The following ARHGAP24 variants were observed in gnomAD, a reference collection of about 807,000 sequenced individuals.
ARHGAP24 encodes Rho GTPase activating protein 24.
A neutral mutation model predicts 76.4 loss-of-function variants in ARHGAP24; 50 were observed. The ratio of observed to expected loss-of-function variants is 0.65; its 90% CI spans 0.52 to 0.83. ARHGAP24 has a LOEUF of 0.83. Among genes scored for constraint, ARHGAP24 ranks in the 40% least tolerant of loss-of-function variants. The pLI, the probability that ARHGAP24 is intolerant of heterozygous loss-of-function variation, is 0.00. For missense variants in ARHGAP24, 930 were observed against 914.2 expected, an observed-to-expected ratio of 1.02 and a Z score of -0.22; for synonymous variants, 345 against 323.3, an observed-to-expected ratio of 1.07 and a Z score of -0.72.
chr4:85,631,725 T>C (rs1223105982), intron 2 of ARHGAP24, among the ~76,000 whole-genome samples: 1 of 152,064 alleles, frequency 6.6e-6, no homozygotes, highest in Non-Finnish European at 1.5e-5. Flanking sequence ...GTTTTGCTTG[T>C]TCAAACAAAT....
rs181008942 is a variant in ARHGAP24 at position 85,596,934 on chromosome 4, T to A, written c.180+26213T>A. On this transcript the variant is annotated intron_variant, in intron 2 of 9. Coordinates refer to ENST00000395184, the MANE Select transcript of ARHGAP24 (RefSeq NM_001025616.3). ...AATATTTTAAGTCCAAATATATTTTTAAAAAAAATTACTTTAAAAACATAT... is the reference window on the plus strand; with the variant it reads ...AATATTTTAAGTCCAAATATATTTTAAAAAAAAATTACTTTAAAAACATAT... Among the ~76,000 whole-genome samples the A allele has an allele frequency of 4.2e-3, 643 of 152,148 alleles. 3 individuals are homozygous for A. Among genetic ancestry groups the A allele is most frequent in the Non-Finnish European group, 6.3e-3 (429 of 67,966 alleles).
chr4:85,884,158 A>G (rs1733423083), intron 3 of ARHGAP24, among the ~76,000 whole-genome samples: 1 of 152,156 alleles, frequency 6.6e-6, no homozygotes, highest in Non-Finnish European at 1.5e-5. Context: ...TGCTCCAATC[A>G]TTAGTTAGTG....
chr4:85,720,194 C>G (rs1033908793), intron 2 of ARHGAP24, among the ~76,000 whole-genome samples: 1 of 152,048 alleles, frequency 6.6e-6, no homozygotes, highest in Non-Finnish European at 1.5e-5. Context: ...AGCACACCAA[C>G]ATGGCACATG....
intron 3 of ARHGAP24, among the ~76,000 whole-genome samples, chr4:85,739,422 T>C (rs1709728833): frequency 1.3e-5 from 2 of 152,212 alleles, no homozygotes; most frequent in African/African-American, 2.4e-5. Context: ...TGCTCGGTTT[T>C]CTTCTCTCTG....
chr4:85,616,533 T>G (rs1047242831), intron 2 of ARHGAP24, among the ~76,000 whole-genome samples: 1 of 152,196 alleles, frequency 6.6e-6, no homozygotes, highest in African/African-American at 2.4e-5. Flanking sequence ...AAAATAGAAG[T>G]TACAGAGGTA....
chr4:85,480,832 G>C (rs1722787769), intron 1 of ARHGAP24, among the ~76,000 whole-genome samples: 1 of 152,104 alleles, frequency 6.6e-6, no homozygotes, highest in Admixed American at 6.5e-5. Context: ...CAGATGTATA[G>C]AAGAATTCCC....
At chr4:85,920,085 G>A (rs1383197314) in intron 3 of ARHGAP24, among the ~76,000 whole-genome samples, 1 of 152,120 alleles carries the variant, frequency 6.6e-6, no homozygotes, top group Non-Finnish European at 1.5e-5. Context: ...AACACTTTTA[G>A]AACATCCCTG....
chr4:85,899,879 G>C (rs1734397961), intron 3 of ARHGAP24, among the ~76,000 whole-genome samples: 1 of 152,150 alleles, frequency 6.6e-6, no homozygotes, highest in East Asian at 1.9e-4. Flanking sequence ...GAGAGACCTA[G>C]TCTCAATAAA....
intron 3 of ARHGAP24, among the ~76,000 whole-genome samples, chr4:85,808,561 C>T (rs1728886085): frequency 6.6e-6 from 1 of 152,306 alleles, no homozygotes; most frequent in East Asian, 1.9e-4. Flanking sequence ...TGGATTTCCA[C>T]ACATTCTACA....
chr4:85,988,204 G>T (rs1740116655), intron 8 of ARHGAP24, among the ~76,000 whole-genome samples: 1 of 151,850 alleles, frequency 6.6e-6, no homozygotes, highest in South Asian at 2.1e-4. Flanking sequence ...GAAGGAATAT[G>T]AGTCCAGATA....
At chr4:85,882,574 A>G (rs1366763132) in intron 3 of ARHGAP24, among the ~76,000 whole-genome samples, 1 of 152,172 alleles carries the variant, frequency 6.6e-6, no homozygotes, top group Non-Finnish European at 1.5e-5. Flanking sequence ...GCATGGGCAC[A>G]ATAAGCTTTG....
intron 3 of ARHGAP24, among the ~76,000 whole-genome samples, chr4:85,837,877 A>G (rs1282291524): frequency 2.6e-5 from 4 of 152,184 alleles, no homozygotes; most frequent in African/African-American, 7.2e-5. Flanking sequence ...CTCGAGTCCT[A>G]TAGTTTAGAT....
At chr4:85,767,650 A>T (rs1726980055) in intron 3 of ARHGAP24, among the ~76,000 whole-genome samples, 1 of 21,140 alleles carries the variant, frequency 4.7e-5, no homozygotes. Context: ...CAAAGGGGCA[A>T]ATTATTAAAG....
At chr4:85,950,653 A>AT (rs987266141) in intron 5 of ARHGAP24, among the ~76,000 whole-genome samples, 8 of 148,644 alleles carry the variant, frequency 5.4e-5, no homozygotes, top group African/African-American at 7.4e-5. Context: ...TTTTACTTTT[A>AT]TTTTTTCTTT....
At chr4:85,638,605 C>G (rs985349345) in intron 2 of ARHGAP24, among the ~76,000 whole-genome samples, 1 of 152,094 alleles carries the variant, frequency 6.6e-6, no homozygotes, top group Admixed American at 6.6e-5. Flanking sequence ...CATCAACTTT[C>G]CTTTTGTGTG....
At chr4:85,861,327 A>G (rs1230523260) in intron 3 of ARHGAP24, among the ~76,000 whole-genome samples, 1 of 152,076 alleles carries the variant, frequency 6.6e-6, no homozygotes, top group East Asian at 1.9e-4. Context: ...AAAAGATGAA[A>G]TGCTATGCTG....
intron 1 of ARHGAP24, among the ~76,000 whole-genome samples, chr4:85,504,664 T>C (rs1022052316): frequency 6.6e-6 from 1 of 152,228 alleles, no homozygotes; most frequent in African/African-American, 2.4e-5. Context: ...GGGTCTTGAC[T>C]CTTTATCCAG....
intron 3 of ARHGAP24, among the ~76,000 whole-genome samples, chr4:85,828,516 T>TG (rs368925914): frequency 2.3e-4 from 32 of 138,824 alleles, no homozygotes; most frequent in South Asian, 4.3e-4. Flanking sequence ...TGCGTGTGTG[T>TG]TTTTTTTTTT....
At chr4:85,666,781 G>A (rs1443750987) in intron 2 of ARHGAP24, among the ~76,000 whole-genome samples, 1 of 152,206 alleles carries the variant, frequency 6.6e-6, no homozygotes, top group Non-Finnish European at 1.5e-5. Context: ...GTTTGCCTGG[G>A]TATCAGTAGC....
Sources: gnomAD v4.1 joint callset for allele counts (sites outside exome capture counted in the v4.1 genomes callset) on GRCh38, gnomAD v4.1.1 for gene constraint, MANE v1.5 for transcripts, NCBI Gene and HGNC (gene_info 2026-07-23, HGNC 2026-07-21) for gene names.